SDCCAG8: variants seen among roughly 807,000 people sequenced by gnomAD.
SDCCAG8 encodes the protein serologically defined colon cancer antigen 8.
In SDCCAG8, 74 loss-of-function variants were observed where a neutral mutation model predicts 101.8. The ratio of observed to expected loss-of-function variants is 0.73; its 90% confidence interval spans 0.60 to 0.88. SDCCAG8 has a LOEUF of 0.88. Among genes scored for constraint, SDCCAG8 ranks in the 40% least tolerant of loss-of-function variants. The probability of loss-of-function intolerance (pLI) is 0.00; values close to 1 mark genes in which losing one functional copy is unlikely to be tolerated. For synonymous variants in SDCCAG8, 281 were observed against 292.9 expected, an observed-to-expected ratio of 0.96 and a Z score of 0.41; for missense variants, 787 against 822.6, an observed-to-expected ratio of 0.96 and a Z score of 0.53.
intron 12 of SDCCAG8, among the ~76,000 whole-genome samples, chr1:243,376,639 C>T (rs2147898696): frequency 6.6e-6 from 1 of 152,088 alleles, no homozygotes; most frequent in East Asian, 1.9e-4. Flanking sequence ...TTTGTCTTCT[C>T]TCAATTCAAA....
At chr1:243,456,276 G>T (rs1054402963) in intron 16 of SDCCAG8, among the ~76,000 whole-genome samples, 1 of 152,166 alleles carries the variant, frequency 6.6e-6, no homozygotes. Flanking sequence ...GCCTGCCCTG[G>T]TTGGTAGGGA....
intron 16 of SDCCAG8, among the ~76,000 whole-genome samples, chr1:243,429,895 G>A (rs1433753789): frequency 1.3e-5 from 2 of 152,028 alleles, no homozygotes; most frequent in South Asian, 2.1e-4. Flanking sequence ...TAGAGACAGG[G>A]TTTCCCCATG....
chr1:243,353,259 G>A (rs1045594124), intron 12 of SDCCAG8, among the ~76,000 whole-genome samples: 4 of 151,850 alleles, frequency 2.6e-5, no homozygotes, highest in African/African-American at 7.2e-5. Flanking sequence ...AAGAGGCTGA[G>A]GCAAGCAGAT....
intron 7 of SDCCAG8, among the ~76,000 whole-genome samples, chr1:243,306,964 C>T (rs1164489247): frequency 2.6e-5 from 4 of 151,918 alleles, no homozygotes; most frequent in Non-Finnish European, 4.4e-5. Context: ...AGCACCTGAG[C>T]GTGGAGACTT....
intron 16 of SDCCAG8, among the ~76,000 whole-genome samples, chr1:243,435,266 T>C (rs1449267656): frequency 2.0e-5 from 3 of 152,240 alleles, no homozygotes; most frequent in African/African-American, 7.2e-5. Context: ...TCTTTGTAGC[T>C]GCTTTGTAGC....
intron 6 of SDCCAG8, among the ~76,000 whole-genome samples, chr1:243,303,451 C>T (rs1049567882): frequency 6.6e-6 from 1 of 152,158 alleles, no homozygotes; most frequent in Non-Finnish European, 1.5e-5. Context: ...CCTGCCTTCC[C>T]TCCTAACTCC....
Position 243,487,627 on chromosome 1 carries a change from C to G in SDCCAG8, c.1986-1387C>G, listed in dbSNP as rs189867777. On this transcript the variant is annotated intron_variant, in intron 16 of 17. Transcript: ENST00000366541. Reference sequence around the variant, plus strand: ...AAGAGGCGCCAGGGCGTCCCTTAGTCCTTACACTTTCTCCAGAACCTGCGG... The same window carrying G: ...AAGAGGCGCCAGGGCGTCCCTTAGTGCTTACACTTTCTCCAGAACCTGCGG... 7.0e-3 allele frequency among the ~76,000 whole-genome samples: 1,068 copies of G among 152,232 alleles called. 13 individuals are homozygous for G. The highest frequency in any genetic ancestry group is 0.01 in the Non-Finnish European group (684 of 68,004).
intron 9 of SDCCAG8, chr1:243,318,198 T>C (rs1040852863): frequency 4.0e-5 from 16 of 396,508 alleles, no homozygotes; most frequent in African/African-American, 3.3e-4. Flanking sequence ...ATCCGATCTT[T>C]TGCAGGAACA....
chr1:243,271,466 A>C (rs1285311920), intron 3 of SDCCAG8, among the ~76,000 whole-genome samples: 1 of 151,544 alleles, frequency 6.6e-6, no homozygotes, highest in Non-Finnish European at 1.5e-5. Flanking sequence ...TTTAGAAGTT[A>C]CTTAATTATA....
intron 17 of SDCCAG8, among the ~76,000 whole-genome samples, chr1:243,498,199 C>T (rs950185523): frequency 4.6e-5 from 7 of 152,038 alleles, no homozygotes; most frequent in Non-Finnish European, 8.8e-5. Flanking sequence ...CTGGAGGGCA[C>T]GTCAGCTTGG....
At chr1:243,276,105 G>T (rs956717074) in intron 4 of SDCCAG8, among the ~76,000 whole-genome samples, 2 of 151,932 alleles carry the variant, frequency 1.3e-5, no homozygotes. Context: ...CTCGTGATCC[G>T]TCCGCCTTGG....
At chr1:243,390,901 T>C (rs949618854) in intron 13 of SDCCAG8, among the ~76,000 whole-genome samples, 3 of 152,236 alleles carry the variant, frequency 2.0e-5, no homozygotes, top group Non-Finnish European at 4.4e-5. Flanking sequence ...AAAAGGAATA[T>C]AACAAAAGCC....
intron 6 of SDCCAG8, among the ~76,000 whole-genome samples, chr1:243,295,813 A>G (rs563381827): frequency 6.6e-6 from 1 of 151,650 alleles, no homozygotes; most frequent in Non-Finnish European, 1.5e-5. Context: ...TTTCTCTTTT[A>G]TGCCTCCCCC....
intron 16 of SDCCAG8, among the ~76,000 whole-genome samples, chr1:243,462,640 T>A (rs1659352373): frequency 1.6e-5 from 1 of 63,106 alleles, no homozygotes; most frequent in Non-Finnish European, 3.5e-5. Context: ...AGAACAAATT[T>A]ACATTGTATT....
intron 2 of SDCCAG8, among the ~76,000 whole-genome samples, chr1:243,270,572 C>T (rs1220645347): frequency 6.6e-6 from 1 of 152,126 alleles, no homozygotes; most frequent in Non-Finnish European, 1.5e-5. Context: ...TAATAACCTC[C>T]TCTCTATGCT....
At chr1:243,431,663 CTG>C (rs2081774982) in intron 16 of SDCCAG8, among the ~76,000 whole-genome samples, 1 of 150,812 alleles carries the variant, frequency 6.6e-6, no homozygotes, top group Non-Finnish European at 1.5e-5. Context: ...TTTTTTTTTT[CTG>C]TTTTTATTTT....
intron 16 of SDCCAG8, among the ~76,000 whole-genome samples, chr1:243,446,725 C>G (rs985611784): frequency 6.6e-6 from 1 of 152,150 alleles, no homozygotes; most frequent in Admixed American, 6.5e-5. Context: ...CCATCCATAG[C>G]TACTTGGCAA....
At chr1:243,269,277 A>G (rs1281646096) in intron 1 of SDCCAG8, 1 of 150,386 alleles carries the variant, frequency 6.6e-6, no homozygotes, top group Admixed American at 6.6e-5. Flanking sequence ...AGAACAAGGG[A>G]ATGAGGCTGG....
At chr1:243,364,300 AG>A (rs1223924281) in intron 12 of SDCCAG8, among the ~76,000 whole-genome samples, 2 of 152,198 alleles carry the variant, frequency 1.3e-5, no homozygotes, top group African/African-American at 4.8e-5. Context: ...AACAGCTTAA[AG>A]GTAAGTTGAA....
Sources: allele counts gnomAD v4.1 joint callset (sites outside exome capture counted in the v4.1 genomes callset), GRCh38; gene constraint gnomAD v4.1.1; transcripts MANE v1.5; gene names NCBI Gene and HGNC (gene_info 2026-07-23, HGNC 2026-07-21).